The following MCTP1 variants were observed in gnomAD, a reference collection of about 807,000 sequenced individuals.
The protein encoded by MCTP1 is multiple C2 and transmembrane domain containing 1.
A neutral mutation model predicts 120.6 loss-of-function variants in MCTP1; 69 were observed. The observed-to-expected ratio is 0.57, with a 90% CI of 0.47 to 0.70. MCTP1 has a LOEUF of 0.70. MCTP1 is among the 30% of genes least tolerant of loss of function. The pLI, the probability that MCTP1 is intolerant of heterozygous loss-of-function variation, is 0.00. For missense variants in MCTP1, 1,203 were observed against 1,248.8 expected (o/e 0.96, Z 0.55); for synonymous variants, 529 against 493.1 (o/e 1.07, Z -0.96).
chr5:94,853,898 CT>C (rs1273575185), intron 17 of MCTP1, among the ~76,000 whole-genome samples: 1 of 151,816 alleles, frequency 6.6e-6, no homozygotes, highest in Non-Finnish European at 1.5e-5. Flanking sequence ...GATTATCTAG[CT>C]GACAGCCTGA....
chr5:94,764,719 C>A (rs142095862), intron 19 of MCTP1, among the ~76,000 whole-genome samples: 4 of 150,490 alleles, frequency 2.7e-5, no homozygotes, highest in East Asian at 3.9e-4. Flanking sequence ...CACTGTAGCA[C>A]CAAGACACAT....
At chr5:94,817,828 T>A (rs1170433002) in intron 17 of MCTP1, among the ~76,000 whole-genome samples, 3 of 152,206 alleles carry the variant, frequency 2.0e-5, no homozygotes, top group Non-Finnish European at 4.4e-5. Context: ...CATCATCTCT[T>A]ACGATTGGGC....
chr5:94,832,643 C>CAT lies in MCTP1; in HGVS notation c.2437-33512_2437-33511insAT, dbSNP rs1412406285. On this transcript the variant is annotated intron_variant, in intron 17 of 22. Transcript: ENST00000515393. Reference sequence around the variant, plus strand: ...ACACACACACACACACACACACACACACACTTCCCTACTCCCCTTCAGAAT... The same window carrying CAT: ...ACACACACACACACACACACACACACATACACTTCCCTACTCCCCTTCAGAAT... Among the ~76,000 whole-genome samples, 3 of 142,228 alleles carry CAT rather than the reference C, an allele frequency of 2.1e-5. No homozygotes were observed. The East Asian group carries it at 5.9e-4, about 28-fold the overall frequency. 93.3% of individuals were successfully genotyped at this position (142,228 alleles called of 152,430 possible).
intron 22 of MCTP1, among the ~76,000 whole-genome samples, chr5:94,707,813 ACATT>A (rs1755093550): frequency 6.6e-6 from 1 of 151,944 alleles, no homozygotes; most frequent in African/African-American, 2.4e-5. Context: ...ATAACACATT[ACATT>A]AAAAGTAAAA....
intron 2 of MCTP1, among the ~76,000 whole-genome samples, chr5:94,959,254 A>G (rs1823498761): frequency 6.6e-6 from 1 of 152,232 alleles, no homozygotes; most frequent in Admixed American, 6.5e-5. Context: ...TAAACCAGGT[A>G]TTGATGGAAT....
chr5:94,750,294 G>C (rs970838991), intron 19 of MCTP1, among the ~76,000 whole-genome samples: 2 of 152,182 alleles, frequency 1.3e-5, no homozygotes, highest in African/African-American at 2.4e-5. Flanking sequence ...TGACGTACAG[G>C]GGGAAGCATT....
Position 95,255,482 on chromosome 5 carries a change from C to T in MCTP1, c.720+28374G>A, listed in dbSNP as rs118177949. On this transcript the variant is annotated intron_variant, in intron 1 of 22. Coordinates refer to ENST00000515393, the MANE Select transcript of MCTP1 (RefSeq NM_024717.7). ...AGGAAACCAAACAAAAAGCTTTCTA[C>T]TTAGAACAAGAAGAGAATAAACTGA... Among the ~76,000 whole-genome samples the T allele has an allele frequency of 9.7e-4, 147 of 152,190 alleles. No individual in the cohort carries two copies. The East Asian group carries it at 0.012, about 12-fold the overall frequency.
At chr5:95,238,587 T>C (rs1755813277) in intron 1 of MCTP1, among the ~76,000 whole-genome samples, 1 of 152,004 alleles carries the variant, frequency 6.6e-6, no homozygotes, top group Admixed American at 6.6e-5. Context: ...CTCAGAGAGG[T>C]TGGACCACAG....
At chr5:94,832,720 C>T (rs1047241776) in intron 17 of MCTP1, among the ~76,000 whole-genome samples, 1 of 152,014 alleles carries the variant, frequency 6.6e-6, no homozygotes, top group Admixed American at 6.6e-5. Context: ...TTCCAGCTGC[C>T]CTGTTGGCTC....
intron 1 of MCTP1, among the ~76,000 whole-genome samples, chr5:95,069,764 T>C (rs991467541): frequency 1.3e-5 from 2 of 149,706 alleles, no homozygotes; most frequent in African/African-American, 4.9e-5. Context: ...AGTGGTGCAA[T>C]CTCTGCTCAC....
chr5:94,962,806 A>G (rs1824607497), intron 2 of MCTP1, among the ~76,000 whole-genome samples: 2 of 152,130 alleles, frequency 1.3e-5, no homozygotes, highest in African/African-American at 4.8e-5. Flanking sequence ...AATCTCACAA[A>G]TCATCACTTA....
At chr5:95,177,703 A>C (rs551813260) in intron 1 of MCTP1, among the ~76,000 whole-genome samples, 2 of 152,210 alleles carry the variant, frequency 1.3e-5, no homozygotes, top group East Asian at 3.9e-4. Flanking sequence ...TGGACTGAAG[A>C]GGTAGCAGTT....
intron 1 of MCTP1, among the ~76,000 whole-genome samples, chr5:95,154,979 T>C (rs1417979351): frequency 3.3e-5 from 5 of 152,154 alleles, no homozygotes; most frequent in Admixed American, 6.5e-5. Context: ...GAGCACGGTT[T>C]AGACACTATG....
At chr5:95,220,367 C>T (rs1419457760) in intron 1 of MCTP1, among the ~76,000 whole-genome samples, 1 of 150,416 alleles carries the variant, frequency 6.6e-6, no homozygotes, top group Non-Finnish European at 1.5e-5. Flanking sequence ...ATTCCTTAGT[C>T]CGCTGGCCTC....
At chr5:94,979,145 G>T (rs549908824) in intron 2 of MCTP1, 2 of 152,042 alleles carry the variant, frequency 1.3e-5, no homozygotes, top group Admixed American at 6.6e-5. Context: ...ATTCTTCCCA[G>T]ACAGAAAAGT....
intron 1 of MCTP1, among the ~76,000 whole-genome samples, chr5:95,172,516 AT>A (rs1182065333): frequency 6.6e-6 from 1 of 152,200 alleles, no homozygotes; most frequent in East Asian, 1.9e-4. Flanking sequence ...GTGCTTAACC[AT>A]TAGAGTGCTA....
chr5:95,259,787 GC>G (rs1249719196), intron 1 of MCTP1, among the ~76,000 whole-genome samples: 1 of 152,098 alleles, frequency 6.6e-6, no homozygotes. Flanking sequence ...ATTCTCCCCT[GC>G]CACCGGTACA....
rs372065245 is a variant in MCTP1 at position 95,176,235 on chromosome 5, C to CAGTA, written c.720+107617_720+107620dup. Among the ~76,000 whole-genome samples, 1,042 of 152,218 alleles carry CAGTA rather than the reference C, an allele frequency of 6.8e-3. 11 individuals are homozygous for CAGTA. Among genetic ancestry groups the CAGTA allele is most frequent in the African/African-American group, 0.024 (1,004 of 41,518 alleles). On this transcript the variant is annotated intron_variant, in intron 1 of 22. Transcript: ENST00000515393. ...TAGGTCTGGGGCACATAAGAACGAGCAGTAGTAGGCCATGCGTGGTGGCTC... is the reference window on the plus strand; with the variant it reads ...TAGGTCTGGGGCACATAAGAACGAGCAGTAAGTAGTAGGCCATGCGTGGTGGCTC...
At chr5:94,866,591 A>G (rs1259903656) in intron 17 of MCTP1, among the ~76,000 whole-genome samples, 1 of 143,980 alleles carries the variant, frequency 6.9e-6, no homozygotes, top group Non-Finnish European at 1.5e-5. Flanking sequence ...CTTGTGTTTC[A>G]CAGGACTGAA....
Sources: gnomAD v4.1 joint callset for allele counts (sites outside exome capture counted in the v4.1 genomes callset) on GRCh38, gnomAD v4.1.1 for gene constraint, MANE v1.5 for transcripts, NCBI Gene and HGNC (gene_info 2026-07-23, HGNC 2026-07-21) for gene names.